The following VCF2 variants were observed in gnomAD, a reference collection of about 807,000 sequenced individuals.
VCF2 encodes the protein protein VCF2.
the VCF2 span, among the ~76,000 whole-genome samples, chrX:55,156,627 T>C: frequency 8.9e-6 from 1 of 112,630 alleles, no homozygotes; most frequent in Non-Finnish European, 1.9e-5. Flanking sequence ...ATTCATGTGT[T>C]AACTTCTCTG....
the VCF2 span, among the ~76,000 whole-genome samples, chrX:55,155,950 T>TC: frequency 2.3e-4 from 24 of 102,577 alleles, no homozygotes; most frequent in Non-Finnish European, 4.6e-4. Flanking sequence ...TCTTTTTTTT[T>TC]TTTTTTTTTT....
the VCF2 span, among the ~76,000 whole-genome samples, chrX:55,150,251 T>A: frequency 7.8e-4 from 87 of 111,909 alleles, no homozygotes; most frequent in Non-Finnish European, 1.4e-3. Context: ...GTCCCCAACC[T>A]TTTTGGCACT....
chrX:55,152,467 C>T, the VCF2 span, among the ~76,000 whole-genome samples: 7 of 111,377 alleles, frequency 6.3e-5, no homozygotes, highest in Non-Finnish European at 1.1e-4. Flanking sequence ...TGTGACCTAC[C>T]CATCTAGAAA....
At chrX:55,155,807 GAGGAGGAAT>G in the VCF2 span, among the ~76,000 whole-genome samples, 1 of 111,314 alleles carries the variant, frequency 9.0e-6, no homozygotes, top group Non-Finnish European at 1.9e-5. Flanking sequence ...CTGAGGAGAT[GAGGAGGAAT>G]ATTAGTTACA....
chrX:55,147,631 CTTGTTTTTTTT>C, the VCF2 span, among the ~76,000 whole-genome samples: 2 of 68,569 alleles, frequency 2.9e-5, no homozygotes, highest in Admixed American at 1.7e-4. Flanking sequence ...GTTGGCTTTC[CTTGTTTTTTTT>C]TTTTTTTTTT....
At chrX:55,146,268 A>G in the VCF2 span, 29 of 1,209,812 alleles carry the variant, frequency 2.4e-5, no homozygotes, top group Non-Finnish European at 3.0e-5. Context: ...TCTCTCTGGG[A>G]TATTAATGCG....
chrX:55,160,880 A>C, the VCF2 span: 22 of 1,144,488 alleles, frequency 1.9e-5, no homozygotes, highest in South Asian at 3.3e-4. Flanking sequence ...AAGAACCAGC[A>C]TGTTCTTTCG....
the VCF2 span, among the ~76,000 whole-genome samples, chrX:55,150,726 T>A: frequency 3.6e-5 from 4 of 112,040 alleles, no homozygotes; most frequent in Non-Finnish European, 5.6e-5. Flanking sequence ...GGTGGTTTTA[T>A]AATCAGCTAT....
chrX:55,159,142 G>A, the VCF2 span: 2 of 1,203,930 alleles, frequency 1.7e-6, no homozygotes, highest in Non-Finnish European at 2.2e-6. Flanking sequence ...TGTATCTTGA[G>A]AATCCTGAAA....
the VCF2 span, chrX:55,146,369 C>G: frequency 9.3e-7 from 1 of 1,080,173 alleles, no homozygotes; most frequent in Admixed American, 2.2e-5. Context: ...ATTTTTCCTA[C>G]TTGGCTTGGA....
At chrX:55,148,009 A>G in the VCF2 span, among the ~76,000 whole-genome samples, 10 of 111,159 alleles carry the variant, frequency 9.0e-5, no homozygotes, top group East Asian at 2.5e-3. Flanking sequence ...GCATGCATTC[A>G]TACAACAGAA....
At chrX:55,153,860 C>T in the VCF2 span, among the ~76,000 whole-genome samples, 1 of 111,538 alleles carries the variant, frequency 9.0e-6, no homozygotes, top group South Asian at 3.8e-4. Context: ...GAGGGTTTAA[C>T]CTCCTTTAGC....
At chrX:55,150,343 A>G in the VCF2 span, among the ~76,000 whole-genome samples, 1 of 111,463 alleles carries the variant, frequency 9.0e-6, no homozygotes, top group Non-Finnish European at 1.9e-5. Context: ...TTCCACTCAG[A>G]TCTTTAGGTA....
chrX:55,153,670 A>G, the VCF2 span, among the ~76,000 whole-genome samples: 1 of 110,960 alleles, frequency 9.0e-6, no homozygotes. Flanking sequence ...CTGTATCTTC[A>G]CTTTCTAACT....
At chrX:55,153,185 T>G in the VCF2 span, among the ~76,000 whole-genome samples, 1 of 111,910 alleles carries the variant, frequency 8.9e-6, no homozygotes, top group African/African-American at 3.2e-5. Flanking sequence ...TGTCAGGACC[T>G]CCTGAGGCTG....
chrX:55,153,271 A>G, the VCF2 span, among the ~76,000 whole-genome samples: 2 of 112,254 alleles, frequency 1.8e-5, no homozygotes, highest in African/African-American at 6.5e-5. Context: ...TTGAGTTCAC[A>G]TATACAGAGT....
chrX:55,153,040 C>A, the VCF2 span, among the ~76,000 whole-genome samples: 1 of 112,076 alleles, frequency 8.9e-6, no homozygotes, highest in Admixed American at 9.4e-5. Flanking sequence ...CTACCTATGA[C>A]CTGGAAGCCG....
the VCF2 span, among the ~76,000 whole-genome samples, chrX:55,151,383 G>C: frequency 8.2e-4 from 92 of 112,372 alleles, no homozygotes; most frequent in Non-Finnish European, 1.5e-3. Context: ...TTTCTGACAG[G>C]CCCAAGGAGT....
At chrX:55,160,997 G>A in the VCF2 span, 1 of 1,167,484 alleles carries the variant, frequency 8.6e-7, no homozygotes, top group South Asian at 1.9e-5. Flanking sequence ...AGAGCCGAGC[G>A]CCACCAACCC....
Sources: gnomAD v4.1 joint callset for allele counts (sites outside exome capture counted in the v4.1 genomes callset) on GRCh38, gnomAD v4.1.1 for gene constraint, MANE v1.5 for transcripts, NCBI Gene and HGNC (gene_info 2026-07-23, HGNC 2026-07-21) for gene names.